Variants in OR6N2 observed in about 807,000 individuals in gnomAD.
The protein encoded by OR6N2 is olfactory receptor 6N2.
For synonymous variants in OR6N2, 160 were observed against 138.3 expected (o/e 1.16, Z -1.10); for missense variants, 399 against 379.7 (o/e 1.05, Z -0.42).
In OR6N2 at chr1:158,777,574, C is replaced by T; in HGVS notation, c.62G>A (p.Gly21Asp). Residue 21 changes from glycine (G) to aspartate (D), a missense_variant, in exon 2 of 2, where the codon GGC (glycine) becomes GAC (aspartate). Physicochemically the swap from Gly to Asp is moderately conservative, Grantham distance 94. Transcript: ENST00000641131. ...EFVFLGFASV[G>D]YVRGWLFVLL... ...GACAAAAAGCCAGCCCCTGACATAG[C>T]CCACACTGGCAAAGCCAAGGAACAC... 6.2e-7 allele frequency: 1 copy of T among 1,614,044 alleles called. No homozygotes were observed. Among genetic ancestry groups the T allele is most frequent in the Non-Finnish European group, 8.5e-7 (1 of 1,180,002 alleles).
rs1657601290 is a variant in OR6N2, at chr1:158,776,681, G to A, written c.*1C>T. ...AGGTGAGAAAGGACATGGGAAGAAA[G>A]TCAAAGATGAGCAAGACTAGCTTTA... On this transcript the variant is annotated 3_prime_UTR_variant, in exon 2 of 2. Coordinates refer to ENST00000641131, the MANE Select transcript of OR6N2 (RefSeq NM_001005278.2). 1.9e-6 allele frequency: 3 copies of A among 1,572,544 alleles called. No homozygotes were observed. The highest frequency in any genetic ancestry group is 1.4e-5 in the African/African-American group (1 of 73,836).
In OR6N2 at chr1:158,778,944, G is replaced by A. The variant is rs1007920915; in HGVS notation, c.-6-1303C>T. ...TGAGGCAGGAGAATGGAGTGAACCC[G>A]GGAGGTGGAGCTTGCAGTGAGCCGA... is the stretch of plus-strand genomic sequence containing the variant. On this transcript the variant is annotated intron_variant, in intron 1 of 1. Transcript: ENST00000641131. Among the ~76,000 whole-genome samples the A allele has an allele frequency of 4.8e-5, 7 of 145,708 alleles. No individual in the cohort carries two copies. In the East Asian group the frequency reaches 1.2e-3, roughly 25 times the overall value.
In OR6N2 at chr1:158,777,162, A is replaced by G. The variant is rs1360417385; in HGVS notation, c.474T>C (p.Ser158=). 1.9e-6 allele frequency: 3 copies of G among 1,614,130 alleles called. No homozygotes were observed. Among genetic ancestry groups the G allele is most frequent in the Non-Finnish European group, 2.5e-6 (3 of 1,180,002 alleles). The change falls in exon 2 of 2, where the codon TCT becomes TCC. Residue 158 remains serine, a synonymous_variant. Transcript: ENST00000641131. Reference sequence around the variant, plus strand: ...GGAGCTGGGAGGCAAGGATGACCTCAGAAATGGGACACAGGAAGCCACAAG... The same window carrying G: ...GGAGCTGGGAGGCAAGGATGACCTCGGAAATGGGACACAGGAAGCCACAAG... ...CWTCGFLCPI[S]EVILASQLPF...
In OR6N2 at chr1:158,777,533, A is replaced by G; in HGVS notation, c.103T>C (p.Tyr35His). ...GWLFVLLLLAYLFTICGNMLI... is the reference protein window; with the variant it reads ...GWLFVLLLLAHLFTICGNMLI... ...ATGTTACCACAGATGGTGAACAGGT[A>G]TGCCAATAGCAGCAGGACAAAAAGC... The change falls in exon 2 of 2, where the codon TAC (tyrosine) becomes CAC (histidine). Residue 35 changes from tyrosine to histidine, a missense_variant. Physicochemically the swap from Tyr to His is moderately conservative, Grantham distance 83. Transcript: ENST00000641131. The G allele has an allele frequency of 6.2e-7, 1 of 1,614,182 alleles. No homozygotes were observed. The highest frequency in any genetic ancestry group is 1.1e-5 in the South Asian group (1 of 91,084).
intron 1 of OR6N2, among the ~76,000 whole-genome samples, chr1:158,780,094 C>T (rs1015043624): frequency 6.6e-6 from 1 of 152,202 alleles, no homozygotes; most frequent in Non-Finnish European, 1.5e-5. Flanking sequence ...ACAAAGCTTA[C>T]AGTATTCTAA....
rs1657592359 is a variant in OR6N2, at chr1:158,776,322, G to A, written c.*360C>T. ...GAAGGTCTGAGCCAAAATAAGATTG[G>A]AATGGGTTGAGAAGTGGATATGAAG... On this transcript the variant is annotated 3_prime_UTR_variant, in exon 2 of 2. Coordinates refer to ENST00000641131, the MANE Select transcript of OR6N2 (RefSeq NM_001005278.2). The A allele has an allele frequency of 6.1e-6, 1 of 163,274 alleles. No homozygotes were observed. The highest frequency in any genetic ancestry group is 2.0e-4 in the South Asian group (1 of 5,110). The allele number at this position is 163,274 out of a possible 1,614,324, so 10.1% of individuals were successfully genotyped here. A position where few individuals can be genotyped will look rare whatever the true frequency, so the allele number is the denominator to read the frequency against.
chr1:158,777,410 T>C lies in OR6N2; in HGVS notation c.226A>G (p.Thr76Ala). Residue 76 changes from threonine to alanine, a missense_variant, in exon 2 of 2, where the codon ACC becomes GCC. By Grantham distance (58) the Thr-to-Ala change is moderately conservative. Transcript: ENST00000641131. ...LSFLELWYTA[T>A]TIPKMLSNIL... is the part of the protein sequence containing the mutation. ...TTAGACAACATCTTAGGGATAGTGG[T>C]AGCTGTATACCACAACTCCAAGAAG... is the stretch of plus-strand genomic sequence containing the variant. 1.2e-6 allele frequency: 2 copies of C among 1,614,126 alleles called. No homozygotes were observed. Among genetic ancestry groups the C allele is most frequent in the Non-Finnish European group, 8.5e-7 (1 of 1,179,930 alleles).
intron 1 of OR6N2, among the ~76,000 whole-genome samples, chr1:158,779,581 T>C (rs1380661841): frequency 6.6e-6 from 1 of 152,218 alleles, no homozygotes; most frequent in Non-Finnish European, 1.5e-5. Flanking sequence ...ACTAAATTCA[T>C]TGAAAGCAAC....
rs192604417 is a variant in OR6N2 at position 158,778,372 on chromosome 1, A to G, written c.-6-731T>C. The stretch of plus-strand genomic sequence containing the variant: ...AAAACTTTTAGAGGAAGCCCGTAAG[A>G]TGAATTTTCCAAGAAGATCTGGGAT... On this transcript the variant is annotated intron_variant, in intron 1 of 1. Transcript: ENST00000641131. Among the ~76,000 whole-genome samples, 321 of 152,342 alleles carry G rather than the reference A, an allele frequency of 2.1e-3. 7 individuals carry two copies. Among genetic ancestry groups the G allele is most frequent in the African/African-American group, 7.0e-3 (289 of 41,572 alleles).
rs934860367 is a variant in OR6N2, at chr1:158,775,577, C to T, written c.*1105G>A. ...TACAATTCAGATTTCAAATACATTA[C>T]TTTATATTTTATGTGGAAAATATAT... On this transcript the variant is annotated 3_prime_UTR_variant, in exon 2 of 2. Coordinates refer to ENST00000641131, the MANE Select transcript of OR6N2 (RefSeq NM_001005278.2). The T allele has an allele frequency of 3.9e-5, 6 of 152,154 alleles. No individual in the cohort carries two copies. The highest frequency in any genetic ancestry group is 7.4e-5 in the Non-Finnish European group (5 of 67,992). The allele number at this position is 152,154 out of a possible 1,614,324, so 9.4% of individuals were successfully genotyped here.
At position 158,775,003 on chromosome 1, in the gene OR6N2, T is replaced by C. The variant is rs921158654; in HGVS notation, c.*1679A>G. On this transcript the variant is annotated 3_prime_UTR_variant, in exon 2 of 2. Transcript: ENST00000641131. ...CATTCATTACGATTGCATTGAATAC[T>C]CATCCTATTTAGGTGCTGTGTTAGT... is the stretch of plus-strand genomic sequence containing the variant. 1.3e-5 allele frequency: 2 copies of C among 152,242 alleles called. No individual in the cohort carries two copies. Among genetic ancestry groups the C allele is most frequent in the African/African-American group, 4.8e-5 (2 of 41,458 alleles). 9.4% of individuals were successfully genotyped at this position (152,242 alleles called of 1,614,324 possible).
At position 158,777,641 on chromosome 1, in the gene OR6N2, G is replaced by C. The variant is rs764536762; in HGVS notation, c.-6C>G. On this transcript the variant is annotated splice_region_variant and 5_prime_UTR_variant, in exon 2 of 2. Coordinates refer to ENST00000641131, the MANE Select transcript of OR6N2 (RefSeq NM_001005278.2). ...GAATGGTTGTATTGATCCATGGGAG[G>C]CTGAGGTAAAGAAGGAAAGAAGAAA... 4 of 1,582,676 alleles carry C rather than the reference G, an allele frequency of 2.5e-6. No homozygotes were observed. In the Admixed American group the frequency reaches 5.2e-5, roughly 20 times the overall value.
chr1:158,779,426 A>G (rs1657693790), intron 1 of OR6N2, among the ~76,000 whole-genome samples: 1 of 152,240 alleles, frequency 6.6e-6, no homozygotes, highest in Non-Finnish European at 1.5e-5. Context: ...ATTAATAACC[A>G]AACGAATTCA....
intron 1 of OR6N2, among the ~76,000 whole-genome samples, chr1:158,778,492 T>C (rs1419240057): frequency 2.6e-5 from 4 of 152,194 alleles, no homozygotes; most frequent in Admixed American, 2.6e-4. Flanking sequence ...TTCCCCTCTA[T>C]GGTAACCAAA....
chr1:158,775,338 G>C lies in OR6N2; in HGVS notation c.*1344C>G, dbSNP rs149957256. 6.6e-6 allele frequency: 1 copy of C among 152,246 alleles called. No homozygotes were observed. The highest frequency in any genetic ancestry group is 1.5e-5 in the Non-Finnish European group (1 of 68,008). The allele number at this position is 152,246 out of a possible 1,614,324, so 9.4% of individuals were successfully genotyped here. A position where few individuals can be genotyped will look rare whatever the true frequency, so the allele number is the denominator to read the frequency against. On this transcript the variant is annotated 3_prime_UTR_variant, in exon 2 of 2. Coordinates refer to ENST00000641131, the MANE Select transcript of OR6N2 (RefSeq NM_001005278.2). ...AATGTTGGGGAAAAAACGGAGTGAA[G>C]ATCCTGAAGCCAGAAAAATCCATAA...
At chr1:158,779,241 T>G (rs1657689620) in intron 1 of OR6N2, among the ~76,000 whole-genome samples, 1 of 152,094 alleles carries the variant, frequency 6.6e-6, no homozygotes, top group African/African-American at 2.4e-5. Context: ...CAATGCAACT[T>G]TAAATGCATA....
In OR6N2 at chr1:158,777,138, GA is replaced by G; in HGVS notation, c.497del (p.Leu166ProfsTer20). The G allele has an allele frequency of 6.2e-7, 1 of 1,614,144 alleles. No individual in the cohort carries two copies. The highest frequency in any genetic ancestry group is 8.5e-7 in the Non-Finnish European group (1 of 1,180,032). On this transcript the variant is annotated frameshift_variant, in exon 2 of 2. Transcript: ENST00000641131. LOFTEE classifies it low-confidence loss of function (END_TRUNC). ...GGATTTCATTGTAAGCACAAAATGG[GA>G]GCTGGGAGGCAAGGATGACCTCAGA... Reference protein sequence around the residue: ...PISEVILASQLPFCAYNEIQH... With the variant: ...PISEVILASQXPFCAYNEIQH...
chr1:158,776,897 C>T lies in OR6N2; in HGVS notation c.739G>A (p.Val247Met), dbSNP rs1293056538. The change falls in exon 2 of 2, where the codon GTG (valine) becomes ATG (methionine). Residue 247 changes from valine (V) to methionine (M), a missense_variant. Coordinates refer to ENST00000641131, the MANE Select transcript of OR6N2 (RefSeq NM_001005278.2). ...AFSTCASHLA[V>M]VLIFFGSIIF... Reference sequence around the variant, plus strand: ...ATGCTCCCAAAGAAGATGAGGACCACAGCAAGATGTGAGGCACAGGTAGAA... The same window carrying T: ...ATGCTCCCAAAGAAGATGAGGACCATAGCAAGATGTGAGGCACAGGTAGAA... 1.2e-5 allele frequency: 20 copies of T among 1,613,960 alleles called. No individual in the cohort carries two copies. Among genetic ancestry groups the T allele is most frequent in the Non-Finnish European group, 1.6e-5 (19 of 1,179,984 alleles).
intron 1 of OR6N2, among the ~76,000 whole-genome samples, chr1:158,779,855 T>C (rs991858606): frequency 6.6e-6 from 1 of 152,216 alleles, no homozygotes; most frequent in African/African-American, 2.4e-5. Context: ...CTCATAATAT[T>C]TACATTTAGC....
Sources: allele counts gnomAD v4.1 joint callset (sites outside exome capture counted in the v4.1 genomes callset), GRCh38; gene constraint gnomAD v4.1.1; transcripts MANE v1.5; gene names NCBI Gene and HGNC (gene_info 2026-07-23, HGNC 2026-07-21).